GPT2: variants seen among roughly 807,000 people sequenced by gnomAD.
The protein encoded by GPT2 is glutamic--pyruvic transaminase 2.
Under a neutral mutation model 56.9 loss-of-function variants are expected in GPT2, and 30 were observed. That is an observed-to-expected ratio of 0.53 (90% CI 0.39 to 0.72). The LOEUF (loss-of-function observed/expected upper bound fraction) is 0.72, where lower values mean the gene tolerates loss of function less well. Ranked by LOEUF, GPT2 falls within the 30% of genes least tolerant of loss-of-function variation. The pLI, the probability that GPT2 is intolerant of heterozygous loss-of-function variation, is 0.00. For synonymous variants in GPT2, 271 were observed against 283.1 expected, an observed-to-expected ratio of 0.96 and a Z score of 0.43; for missense variants, 542 against 703.4, an observed-to-expected ratio of 0.77 and a Z score of 2.60.
At chr16:46,892,180 C>T (rs1399306588) in intron 2 of GPT2, among the ~76,000 whole-genome samples, 3 of 152,144 alleles carry the variant, frequency 2.0e-5, no homozygotes. Context: ...TGAGATCATA[C>T]AGTGTTTGTC....
At position 46,926,935 on chromosome 16, in the gene GPT2, T is replaced by C. The variant is rs761972276; in HGVS notation, c.1379T>C (p.Met460Thr). 20 of 1,580,556 alleles carry C rather than the reference T, an allele frequency of 1.3e-5. No homozygotes were observed. The highest frequency in any genetic ancestry group is 1.7e-5 in the Non-Finnish European group (20 of 1,166,626). Residue 460 changes from methionine to threonine, a missense_variant, in exon 11 of 12, where the codon ATG becomes ACG. Coordinates refer to ENST00000340124, the MANE Select transcript of GPT2 (RefSeq NM_133443.4). Reference sequence around the variant, plus strand: ...TGTCTGCTCCCATAGGCCCATCAAATGGCTCCAGACATGTTCTACTGCATG... The same window carrying C: ...TGTCTGCTCCCATAGGCCCATCAAACGGCTCCAGACATGTTCTACTGCATG... ...KAVEAAQAHQ[M>T]APDMFYCMKL...
intron 2 of GPT2, among the ~76,000 whole-genome samples, chr16:46,887,072 C>T (rs186259185): frequency 2.0e-5 from 3 of 152,254 alleles, no homozygotes; most frequent in Admixed American, 1.3e-4. Context: ...GCCCTTCTTG[C>T]GAGAGCCACA....
chr16:46,898,930 G>GTA (rs1467304384), intron 3 of GPT2, among the ~76,000 whole-genome samples: 6 of 121,660 alleles, frequency 4.9e-5, no homozygotes, highest in South Asian at 5.0e-4. Context: ...ATATATATGT[G>GTA]TATATATATA....
intron 7 of GPT2, among the ~76,000 whole-genome samples, chr16:46,918,297 G>A (rs1961212484): frequency 2.0e-5 from 3 of 152,200 alleles, no homozygotes; most frequent in Admixed American, 2.0e-4. Context: ...GCTTTAGGAG[G>A]AGAGTCTGCT....
intron 2 of GPT2, among the ~76,000 whole-genome samples, chr16:46,891,306 A>G (rs1250687116): frequency 6.6e-6 from 1 of 151,898 alleles, no homozygotes. Context: ...GCAATGGTGC[A>G]ATCTTAGCTC....
intron 11 of GPT2, among the ~76,000 whole-genome samples, chr16:46,928,571 G>A (rs909325564): frequency 8.6e-5 from 13 of 150,684 alleles, no homozygotes; most frequent in South Asian, 2.1e-4. Flanking sequence ...TGCAGTGATC[G>A]CGCAATTGCA....
intron 6 of GPT2, among the ~76,000 whole-genome samples, chr16:46,914,867 G>T (rs924878291): frequency 1.8e-4 from 28 of 152,086 alleles, no homozygotes; most frequent in Non-Finnish European, 2.9e-4. Flanking sequence ...GTGCAGTAAT[G>T]GGGGGGAGGG....
intron 4 of GPT2, among the ~76,000 whole-genome samples, chr16:46,905,016 G>A (rs1960891401): frequency 6.6e-6 from 1 of 151,618 alleles, no homozygotes; most frequent in Non-Finnish European, 1.5e-5. Flanking sequence ...GCCCAATGCT[G>A]CGCAGAGAGG....
At chr16:46,898,415 G>A (rs1445237614) in intron 3 of GPT2, among the ~76,000 whole-genome samples, 1 of 152,228 alleles carries the variant, frequency 6.6e-6, no homozygotes, top group Non-Finnish European at 1.5e-5. Context: ...CCGGGATTGT[G>A]GGATTATGGG....
In GPT2 at chr16:46,910,328, C is replaced by G. The variant is rs1961022124; in HGVS notation, c.820+401C>G. 2.4e-5 allele frequency among the ~76,000 whole-genome samples: 3 copies of G among 123,620 alleles called. No individual in the cohort carries two copies. In the South Asian group the frequency reaches 8.2e-4, roughly 34 times the overall value. 81.1% of individuals were successfully genotyped at this position (123,620 alleles called of 152,430 possible). On this transcript the variant is annotated intron_variant, in intron 6 of 11. Coordinates refer to ENST00000340124, the MANE Select transcript of GPT2 (RefSeq NM_133443.4). ...CTCCAGAGGCAGAGGTTGCAGTGAG[C>G]TGAGATCACGCCACTGCACTCAAGC...
At chr16:46,918,905 AGCCG>A in intron 8 of GPT2, 148 bp downstream of exon 8, 3 of 994,416 alleles carry the variant, frequency 3.0e-6, no homozygotes, top group Non-Finnish European at 4.4e-6. Flanking sequence ...CCAGTGGGAG[AGCCG>A]TGGTGTGAGA....
intron 2 of GPT2, among the ~76,000 whole-genome samples, chr16:46,893,276 G>A (rs951180574): frequency 1.3e-5 from 2 of 152,070 alleles, no homozygotes; most frequent in African/African-American, 4.8e-5. Flanking sequence ...GACTACAGGC[G>A]CGTGCCACCA....
intron 4 of GPT2, among the ~76,000 whole-genome samples, chr16:46,906,103 C>T (rs1010283453): frequency 1.3e-5 from 2 of 151,956 alleles, no homozygotes; most frequent in East Asian, 1.9e-4. Flanking sequence ...TTTTTTGAGA[C>T]AGGGTTTCAC....
chr16:46,924,506 C>T lies in GPT2; in HGVS notation c.1330C>T (p.Arg444Trp), dbSNP rs776133313. The change falls in exon 10 of 12, where the codon CGG (arginine) becomes TGG (tryptophan). Residue 444 changes from arginine to tryptophan, a missense_variant. Physicochemically the swap from Arg to Trp is moderately radical, Grantham distance 101. Coordinates refer to ENST00000340124, the MANE Select transcript of GPT2 (RefSeq NM_133443.4). ...PLQGAMYAFPRIFIPAKAVEA... is the reference protein window; with the variant it reads ...PLQGAMYAFPWIFIPAKAVEA... ...GCAGGGGGCCATGTACGCCTTCCCTCGGATCTTCATTCCTGCCAAAGCTGT... is the reference window on the plus strand; with the variant it reads ...GCAGGGGGCCATGTACGCCTTCCCTTGGATCTTCATTCCTGCCAAAGCTGT... The T allele has an allele frequency of 3.1e-6, 5 of 1,614,236 alleles. No homozygotes were observed. Among genetic ancestry groups the T allele is most frequent in the Non-Finnish European group, 4.2e-6 (5 of 1,180,034 alleles).
chr16:46,916,506 G>A (rs1961168154), intron 6 of GPT2, 122 bp from the exon 7 acceptor site: 3 of 759,624 alleles, frequency 3.9e-6, no homozygotes, highest in Admixed American at 3.6e-5. Context: ...CCTCTGCGGG[G>A]AGGGTGTTCT....
At chr16:46,907,600 T>C (rs540359762) in intron 5 of GPT2, among the ~76,000 whole-genome samples, 1 of 152,116 alleles carries the variant, frequency 6.6e-6, no homozygotes, top group Non-Finnish European at 1.5e-5. Context: ...GTCTGAGTGC[T>C]GGGAACTGGA....
In GPT2 at chr16:46,918,812, G is replaced by C. The variant is rs1339848440; in HGVS notation, c.1037+55G>C. ...GCTGGGCCTGCCAGATCCTCACGCT[G>C]CCGGCTCCTCTGCCCTGCCCCGTGG... On this transcript the variant is annotated intron_variant, in intron 8 of 11. Transcript: ENST00000340124. The C allele has an allele frequency of 5.6e-6, 9 of 1,599,760 alleles. No homozygotes were observed. In the Admixed American group the frequency reaches 1.5e-4, roughly 27 times the overall value.
chr16:46,902,251 T>C (rs1960833954), intron 4 of GPT2, among the ~76,000 whole-genome samples: 1 of 152,082 alleles, frequency 6.6e-6, no homozygotes, highest in Non-Finnish European at 1.5e-5. Flanking sequence ...GCCCTCATGG[T>C]TTTTGGGACC....
intron 1 of GPT2, 90 bp from the exon 2 acceptor site, chr16:46,884,604 T>C: frequency 1.6e-6 from 2 of 1,262,680 alleles, no homozygotes; most frequent in South Asian, 3.2e-5. Flanking sequence ...CACCGCTCGC[T>C]GAAAGAGCCC....
Sources: gnomAD v4.1 joint callset for allele counts (sites outside exome capture counted in the v4.1 genomes callset) on GRCh38, gnomAD v4.1.1 for gene constraint, MANE v1.5 for transcripts, NCBI Gene and HGNC (gene_info 2026-07-23, HGNC 2026-07-21) for gene names.